Variants in TRIM37 observed in about 807,000 individuals in gnomAD.
TRIM37 encodes the protein E3 ubiquitin-protein ligase TRIM37.
In TRIM37, 80 loss-of-function variants were observed where a neutral mutation model predicts 129.8. That is an observed-to-expected ratio of 0.62 (90% CI 0.51 to 0.74). The LOEUF (loss-of-function observed/expected upper bound fraction) is 0.74. Ranked by LOEUF, TRIM37 falls within the 30% of genes least tolerant of loss-of-function variation. TRIM37 has a pLI of 0.00. For missense variants in TRIM37, 1,054 were observed against 1,176.5 expected (o/e 0.90, Z 1.52); for synonymous variants, 389 against 387.1 (o/e 1.00, Z -0.06).
intron 6 of TRIM37, 143 bp downstream of exon 6, chr17:59,080,954 G>C: frequency 2.7e-6 from 1 of 365,312 alleles, no homozygotes; most frequent in East Asian, 7.8e-5. Flanking sequence ...GAAATTTATG[G>C]AATTTGACTA....
intron 13 of TRIM37, among the ~76,000 whole-genome samples, chr17:59,053,829 T>C (rs1364922717): frequency 6.6e-6 from 1 of 152,202 alleles, no homozygotes; most frequent in East Asian, 1.9e-4. Flanking sequence ...CCAGGCACCG[T>C]GGCATGCACC....
chr17:59,054,159 T>C (rs1254624434), intron 13 of TRIM37, among the ~76,000 whole-genome samples: 1 of 152,212 alleles, frequency 6.6e-6, no homozygotes, highest in East Asian at 1.9e-4. Context: ...TTTAAAATTG[T>C]TGTGATGAGA....
At chr17:58,973,043 T>C in the TRIM37 span, 6 of 635,982 alleles carry the variant, frequency 9.4e-6, no homozygotes, top group Non-Finnish European at 1.7e-5. Context: ...CTTATTATTC[T>C]TTAAAATAAT....
downstream of TRIM37, among the ~76,000 whole-genome samples, chr17:58,996,664 G>A (rs747855793): frequency 6.6e-6 from 1 of 151,366 alleles, no homozygotes; most frequent in African/African-American, 2.4e-5. Context: ...ACCTACTCAG[G>A]AGGCTTAGGT....
downstream of TRIM37, chr17:58,980,482 A>G (rs377220140): frequency 3.7e-6 from 6 of 1,614,084 alleles, no homozygotes; most frequent in African/African-American, 8.0e-5. The surrounding 1 kb of genome is among the most constrained non-coding windows in gnomAD (Gnocchi z 4.7). Context: ...TAGATCTCAC[A>G]CAAATAGAAG....
At chr17:58,990,790 CAA>C (rs562537494) in intron 24 of TRIM37, among the ~76,000 whole-genome samples, 9 of 74,814 alleles carry the variant, frequency 1.2e-4, no homozygotes, top group Admixed American at 1.6e-4. Flanking sequence ...AACTCTGTCT[CAA>C]AAAAAAAAAA....
chr17:59,100,595 A>T (rs1175246827), intron 2 of TRIM37, among the ~76,000 whole-genome samples: 2 of 152,186 alleles, frequency 1.3e-5, no homozygotes, highest in Non-Finnish European at 2.9e-5. Flanking sequence ...GACAGAAAGC[A>T]GATCAATGGT....
intron 19 of TRIM37, among the ~76,000 whole-genome samples, chr17:59,018,871 T>G (rs1251326647): frequency 6.6e-6 from 1 of 152,178 alleles, no homozygotes; most frequent in Non-Finnish European, 1.5e-5. Context: ...TATGTGGTAC[T>G]GCCATATACA....
At chr17:58,982,804 A>G in exon 25 of TRIM37, 2 of 1,057,798 alleles carry the variant, frequency 1.9e-6, no homozygotes, top group Non-Finnish European at 2.8e-6. Flanking sequence ...ATAGTGCCGG[A>G]ACCTTTTCAT....
intron 23 of TRIM37, among the ~76,000 whole-genome samples, chr17:59,001,051 C>T (rs1391282697): frequency 1.3e-5 from 2 of 151,728 alleles, no homozygotes; most frequent in African/African-American, 4.8e-5. Context: ...AAACATTAGC[C>T]AGGCGTGGTG....
At chr17:59,079,668 T>G in intron 7 of TRIM37, 86 bp downstream of exon 7, 1 of 1,544,756 alleles carries the variant, frequency 6.5e-7, no homozygotes, top group Non-Finnish European at 8.9e-7. Context: ...GATTCCTTCC[T>G]AGGATGATCA....
chr17:59,004,800 C>T (rs1645710874), intron 22 of TRIM37, among the ~76,000 whole-genome samples: 1 of 152,154 alleles, frequency 6.6e-6, no homozygotes, highest in African/African-American at 2.4e-5. Flanking sequence ...AAGCTTCCAA[C>T]AAAGGCAACT....
the TRIM37 span, chr17:58,972,090 A>C: frequency 6.3e-7 from 1 of 1,578,164 alleles, no homozygotes; most frequent in Non-Finnish European, 8.7e-7. Context: ...TGTAGTATCT[A>C]TTTCTTTTCA....
chr17:59,068,830 A>G (rs535510479), intron 9 of TRIM37, among the ~76,000 whole-genome samples: 3 of 152,256 alleles, frequency 2.0e-5, no homozygotes, highest in African/African-American at 7.2e-5. Flanking sequence ...GGCTTATAAC[A>G]GTGATTCTCA....
intron 19 of TRIM37, 103 bp from the exon 20 acceptor site, chr17:59,017,527 TTC>T: frequency 3.4e-6 from 5 of 1,477,700 alleles, no homozygotes; most frequent in Non-Finnish European, 3.8e-6. Context: ...ATGGAAGCTG[TTC>T]TCTCTACTGT....
In TRIM37 at chr17:59,001,592, C is replaced by T. The variant is rs2033775689; in HGVS notation, c.2812+6G>A. On this transcript the variant is annotated splice_donor_region_variant and intron_variant, in intron 23 of 23. Coordinates refer to ENST00000262294, the MANE Select transcript of TRIM37 (RefSeq NM_015294.6). ...AATCTGTGTAAAATGACATCATGTG[C>T]TGCACCTTCATCCGGGGGCTGTGTC... 1 of 1,613,866 alleles carries T rather than the reference C, an allele frequency of 6.2e-7. No individual in the cohort carries two copies. The highest frequency in any genetic ancestry group is 1.7e-5 in the Admixed American group (1 of 59,982).
At chr17:59,032,508 G>C (rs2037980827) in intron 17 of TRIM37, among the ~76,000 whole-genome samples, 1 of 146,694 alleles carries the variant, frequency 6.8e-6, no homozygotes, top group Non-Finnish European at 1.5e-5. Flanking sequence ...GTCCGGCCTG[G>C]GCGACAGAGC....
At chr17:59,028,248 T>G (rs939999152) in intron 19 of TRIM37, among the ~76,000 whole-genome samples, 167 bp downstream of exon 19, 4 of 152,222 alleles carry the variant, frequency 2.6e-5, no homozygotes, top group African/African-American at 9.6e-5. Flanking sequence ...TTCTATTATA[T>G]AGTAAAAATA....
At chr17:59,065,267 T>C (rs1042387926) in intron 9 of TRIM37, among the ~76,000 whole-genome samples, 1 of 152,204 alleles carries the variant, frequency 6.6e-6, no homozygotes, top group Non-Finnish European at 1.5e-5. Context: ...CAGTCAGTGA[T>C]AACACAATTA....
Sources: allele counts gnomAD v4.1 joint callset (sites outside exome capture counted in the v4.1 genomes callset), GRCh38; gene constraint gnomAD v4.1.1; non-coding constraint Gnocchi (gnomAD v3.1); transcripts MANE v1.5; gene names NCBI Gene and HGNC (gene_info 2026-07-23, HGNC 2026-07-21).